The following PARD3B variants were observed in gnomAD, a reference collection of about 807,000 sequenced individuals.
PARD3B encodes partitioning defective 3 homolog B.
Under a neutral mutation model 130.2 loss-of-function variants are expected in PARD3B, and 103 were observed. The observed-to-expected ratio is 0.79, with a 90% CI of 0.67 to 0.93. The LOEUF (loss-of-function observed/expected upper bound fraction) is 0.93. PARD3B is among the 40% of genes least tolerant of loss of function. PARD3B has a pLI of 0.00. For synonymous variants in PARD3B, 583 were observed against 553.2 expected, an observed-to-expected ratio of 1.05 and a Z score of -0.76; for missense variants, 1,609 against 1,499.2, an observed-to-expected ratio of 1.07 and a Z score of -1.21.
At chr2:204,957,689 G>A (rs1224121824) in intron 2 of PARD3B, among the ~76,000 whole-genome samples, 1 of 152,082 alleles carries the variant, frequency 6.6e-6, no homozygotes, top group East Asian at 1.9e-4. Context: ...TTTGTTTAAA[G>A]TAGCATAAAA....
chr2:204,668,128 A>T lies in PARD3B; in HGVS notation c.121-18053A>T, dbSNP rs7607660. Among the ~76,000 whole-genome samples the T allele has an allele frequency of 2.8e-3, 419 of 152,224 alleles. 1 individual carries two copies. The highest frequency in any genetic ancestry group is 9.9e-3 in the African/African-American group (412 of 41,548). ...CTAATCATTTCCCCAATCTGAAAGG[A>T]CTGAATAAGCAGGAGAGAGAGGAGA... On this transcript the variant is annotated intron_variant, in intron 1 of 22. Coordinates refer to ENST00000406610, the MANE Select transcript of PARD3B (RefSeq NM_001302769.2).
intron 15 of PARD3B, among the ~76,000 whole-genome samples, chr2:205,207,568 C>T (rs994004407): frequency 4.9e-5 from 7 of 141,822 alleles, no homozygotes; most frequent in African/African-American, 1.9e-4. Context: ...TACAAACTAC[C>T]ATCAGAGAAT....
chr2:204,726,272 G>A (rs2125329271), intron 2 of PARD3B, among the ~76,000 whole-genome samples: 1 of 152,260 alleles, frequency 6.6e-6, no homozygotes, highest in South Asian at 2.1e-4. Context: ...GTAAAGAATT[G>A]CTGAAGCATC....
intron 2 of PARD3B, among the ~76,000 whole-genome samples, chr2:204,851,407 A>G (rs2044701873): frequency 6.6e-6 from 1 of 152,248 alleles, no homozygotes; most frequent in South Asian, 2.1e-4. Context: ...GAAGAATATT[A>G]GAATGAGTAG....
Position 204,836,808 on chromosome 2 carries a change from CTT to C in PARD3B, c.223-128343_223-128342del, listed in dbSNP as rs551083437. Among the ~76,000 whole-genome samples the C allele has an allele frequency of 1.6e-3, 248 of 152,196 alleles. 2 individuals are homozygous for C. Among genetic ancestry groups the C allele is most frequent in the African/African-American group, 5.8e-3 (242 of 41,552 alleles). On this transcript the variant is annotated intron_variant, in intron 2 of 22. Transcript: ENST00000406610. ...CATGAAGAAAATACAAAGGGAAACT[CTT>C]ATTTCTGAGAGGTAGGATTGTGGGT...
chr2:205,469,877 A>G (rs2048764087), intron 20 of PARD3B, among the ~76,000 whole-genome samples: 2 of 152,230 alleles, frequency 1.3e-5, no homozygotes, highest in African/African-American at 4.8e-5. Context: ...ATTGTCTATA[A>G]TTTCTCAACC....
At chr2:204,862,069 A>T (rs2045230691) in intron 2 of PARD3B, among the ~76,000 whole-genome samples, 1 of 152,046 alleles carries the variant, frequency 6.6e-6, no homozygotes, top group African/African-American at 2.4e-5. Context: ...ATCATGTATG[A>T]CTGTTTTTAC....
At chr2:204,731,565 C>T (rs2039510012) in intron 2 of PARD3B, among the ~76,000 whole-genome samples, 1 of 152,072 alleles carries the variant, frequency 6.6e-6, no homozygotes, top group Non-Finnish European at 1.5e-5. Flanking sequence ...CATAAAATAT[C>T]AAGGTGAGAG....
At chr2:204,699,565 G>C (rs2037787155) in intron 2 of PARD3B, among the ~76,000 whole-genome samples, 3 of 152,004 alleles carry the variant, frequency 2.0e-5, no homozygotes, top group Admixed American at 2.0e-4. Flanking sequence ...GTTGGGGGTG[G>C]GGGAGATAAA....
intron 3 of PARD3B, among the ~76,000 whole-genome samples, chr2:205,039,176 T>A (rs1050204044): frequency 6.6e-6 from 1 of 151,908 alleles, no homozygotes; most frequent in Non-Finnish European, 1.5e-5. Context: ...AAAGAGAAAA[T>A]GTAGTTGCCT....
intron 22 of PARD3B, among the ~76,000 whole-genome samples, chr2:205,573,977 T>G (rs1329124728): frequency 6.6e-6 from 1 of 152,130 alleles, no homozygotes; most frequent in African/African-American, 2.4e-5. Flanking sequence ...ATGGAAGAAA[T>G]TATATATTGG....
chr2:204,924,734 G>A (rs1687456494), intron 2 of PARD3B, among the ~76,000 whole-genome samples: 1 of 151,992 alleles, frequency 6.6e-6, no homozygotes, highest in Non-Finnish European at 1.5e-5. Flanking sequence ...TGTAAAAGTT[G>A]GAAGGTACAC....
chr2:205,301,666 G>A lies in PARD3B; in HGVS notation c.2595G>A (p.Arg865=). ...KRKEENEDPE[R]KIKKKGFGAM... ...AAGAGGAGAATGAAGATCCAGAAAGGAAAATAAAGAAGAAGGGCTTCGGCG... is the reference window on the plus strand; with the variant it reads ...AAGAGGAGAATGAAGATCCAGAAAGAAAAATAAAGAAGAAGGGCTTCGGCG... Residue 865 remains arginine (R), a synonymous_variant, in exon 18 of 23, where the codon AGG becomes AGA. Coordinates refer to ENST00000406610, the MANE Select transcript of PARD3B (RefSeq NM_001302769.2). This position sits in a 1 kb window ranked among gnomAD's most constrained non-coding sequence, Gnocchi z 5.2. The A allele has an allele frequency of 6.2e-7, 1 of 1,613,956 alleles. No homozygotes were observed. Among genetic ancestry groups the A allele is most frequent in the Non-Finnish European group, 8.5e-7 (1 of 1,179,964 alleles).
intron 1 of PARD3B, among the ~76,000 whole-genome samples, chr2:204,570,135 T>C (rs1407178709): frequency 1.3e-5 from 2 of 152,110 alleles, no homozygotes; most frequent in Non-Finnish European, 2.9e-5. Flanking sequence ...GGAATGAAAT[T>C]TCATAGATGA....
chr2:204,550,471 TA>T (rs1355725648), intron 1 of PARD3B, among the ~76,000 whole-genome samples: 1 of 150,422 alleles, frequency 6.6e-6, no homozygotes, highest in African/African-American at 2.4e-5. Flanking sequence ...ATGAAGTGAA[TA>T]AGGGAAAGGC....
chr2:205,195,783 GTCTATTTTTGAC>G (rs2036649104), intron 15 of PARD3B, among the ~76,000 whole-genome samples: 1 of 151,472 alleles, frequency 6.6e-6, no homozygotes, highest in South Asian at 2.1e-4. Flanking sequence ...AATTCATGAT[GTCTATTTTTGAC>G]CTGGAAAACC....
At chr2:205,528,451 A>G (rs1266631943) in intron 21 of PARD3B, among the ~76,000 whole-genome samples, 2 of 151,934 alleles carry the variant, frequency 1.3e-5, no homozygotes, top group African/African-American at 4.8e-5. Context: ...CCTGTGCTGT[A>G]TTCTCATCTC....
intron 1 of PARD3B, among the ~76,000 whole-genome samples, chr2:204,579,744 C>T (rs928069839): frequency 1.3e-5 from 2 of 152,216 alleles, no homozygotes; most frequent in African/African-American, 4.8e-5. Context: ...GCTCATTCCT[C>T]CCCTCTACCC....
intron 2 of PARD3B, among the ~76,000 whole-genome samples, chr2:204,716,768 G>C (rs941672647): frequency 6.6e-6 from 1 of 151,618 alleles, no homozygotes; most frequent in South Asian, 2.1e-4. Flanking sequence ...GACCACAGGC[G>C]CCCGCCACCA....
Sources: allele counts gnomAD v4.1 joint callset (sites outside exome capture counted in the v4.1 genomes callset), GRCh38; gene constraint gnomAD v4.1.1; non-coding constraint Gnocchi (gnomAD v3.1); transcripts MANE v1.5; gene names NCBI Gene and HGNC (gene_info 2026-07-23, HGNC 2026-07-21).